The following DENND10 variants were observed in gnomAD, a reference collection of about 807,000 sequenced individuals.
The protein encoded by DENND10 is DENN domain containing 10, also known as DENN domain-containing protein 10.
A neutral mutation model predicts 43.6 loss-of-function variants in DENND10; 24 were observed. The observed-to-expected ratio is 0.55, with a 90% CI of 0.40 to 0.77. The LOEUF (loss-of-function observed/expected upper bound fraction) is 0.77. Ranked by LOEUF, DENND10 falls within the 30% of genes least tolerant of loss-of-function variation. The pLI, the probability that DENND10 is intolerant of heterozygous loss-of-function variation, is 0.00. For missense variants in DENND10, 303 were observed against 429.9 expected, an observed-to-expected ratio of 0.70 and a Z score of 2.61; for synonymous variants, 125 against 157.6, an observed-to-expected ratio of 0.79 and a Z score of 1.55.
chr10:119,126,198 ATC>A (rs2133512800), intron 6 of DENND10, among the ~76,000 whole-genome samples: 1 of 151,282 alleles, frequency 6.6e-6, no homozygotes, highest in South Asian at 2.1e-4. Flanking sequence ...TTTTCCATTC[ATC>A]TGTTGATGGA....
intron 7 of DENND10, among the ~76,000 whole-genome samples, chr10:119,129,921 T>C (rs1846005987): frequency 6.6e-6 from 1 of 152,230 alleles, no homozygotes. Flanking sequence ...ACTTCAGAAC[T>C]TAGCGGTTTA....
intron 4 of DENND10, 109 bp downstream of exon 4, chr10:119,117,776 G>A: frequency 1.9e-6 from 2 of 1,068,130 alleles, no homozygotes; most frequent in Non-Finnish European, 2.7e-6. Flanking sequence ...GACCATCCTG[G>A]TTAACATGGT....
chr10:119,106,356 G>A (rs984428692), intron 1 of DENND10, among the ~76,000 whole-genome samples: 4 of 152,126 alleles, frequency 2.6e-5, no homozygotes, highest in African/African-American at 9.7e-5. Flanking sequence ...TTTATTTGTA[G>A]TCTTTAGAGA....
In DENND10 at chr10:119,132,490, A is replaced by G; in HGVS notation, c.803-25A>G. The G allele has an allele frequency of 6.4e-7, 1 of 1,572,720 alleles. No individual in the cohort carries two copies. On this transcript the variant is annotated intron_variant, in intron 7 of 8. Transcript: ENST00000361432. The surrounding 1 kb of genome is among the most constrained non-coding windows in gnomAD (Gnocchi z 4.2). Reference sequence around the variant, plus strand: ...GATTATTTTTTATGTCGATTTCTAAATATTCACCTTCTTGATCTCACCAGA... The same window carrying G: ...GATTATTTTTTATGTCGATTTCTAAGTATTCACCTTCTTGATCTCACCAGA...
intron 4 of DENND10, among the ~76,000 whole-genome samples, chr10:119,119,010 ATTT>A (rs35810229): frequency 6.9e-4 from 98 of 142,112 alleles, no homozygotes; most frequent in East Asian, 1.7e-3. Context: ...CACCCAGCTA[ATTT>A]TTTTTTTTTT....
intron 5 of DENND10, among the ~76,000 whole-genome samples, chr10:119,122,980 C>G (rs1241253558): frequency 6.6e-6 from 1 of 152,126 alleles, no homozygotes; most frequent in Non-Finnish European, 1.5e-5. Context: ...TAAAACATTG[C>G]AGAGAGGCTG....
At chr10:119,127,672 G>A (rs911290954) in intron 6 of DENND10, among the ~76,000 whole-genome samples, 2 of 151,774 alleles carry the variant, frequency 1.3e-5, no homozygotes, top group Admixed American at 1.3e-4. Flanking sequence ...ATTTTTAGTA[G>A]AGATGGGGTT....
At chr10:119,112,320 G>C (rs774451356) in intron 3 of DENND10, among the ~76,000 whole-genome samples, 1 of 152,092 alleles carries the variant, frequency 6.6e-6, no homozygotes, top group Non-Finnish European at 1.5e-5. Flanking sequence ...TTTGGGGAAA[G>C]AATTATGCCG....
intron 7 of DENND10, among the ~76,000 whole-genome samples, chr10:119,130,047 C>T (rs1252483808): frequency 2.6e-5 from 4 of 151,986 alleles, no homozygotes; most frequent in Admixed American, 2.6e-4. Flanking sequence ...CTCTATTTCC[C>T]AGGCTGGAGT....
intron 8 of DENND10, chr10:119,135,232 T>C (rs1846271734): frequency 6.6e-6 from 1 of 151,832 alleles, no homozygotes; most frequent in Non-Finnish European, 1.5e-5. Context: ...CATTATCATC[T>C]TATGGGACTA....
Position 119,117,539 on chromosome 10 carries a change from G to A in DENND10, c.353G>A (p.Ser118Asn). ...TACAGAATGTACCTGAAACATGGGA[G>A]CCCAGTTAAAATGATGGAGAGTTAT... ...ILCRMYLKHGSPVKMMESYIA... is the reference protein window; with the variant it reads ...ILCRMYLKHGNPVKMMESYIA... The change falls in exon 4 of 9, where the codon AGC becomes AAC. Residue 118 changes from serine (S) to asparagine (N), a missense_variant. Coordinates refer to ENST00000361432, the MANE Select transcript of DENND10 (RefSeq NM_207009.4). 1 of 1,613,062 alleles carries A rather than the reference G, an allele frequency of 6.2e-7. No homozygotes were observed.
rs201433450 is a variant in DENND10, at chr10:119,123,536, G to A, written c.661G>A (p.Ala221Thr). 3.1e-6 allele frequency: 5 copies of A among 1,613,144 alleles called. No individual in the cohort carries two copies. The highest frequency in any genetic ancestry group is 1.3e-5 in the African/African-American group (1 of 74,920). ...TILHSYVHLN[A>T]DELEALQMCT... is the part of the protein sequence containing the mutation. ...CCTTCACTCTTACGTGCACCTCAAC[G>A]CCGATGAGCTGGAAGCCCTGCAGAT... Residue 221 changes from alanine (A) to threonine (T), a missense_variant, in exon 6 of 9, where the codon GCC (alanine) becomes ACC (threonine). Coordinates refer to ENST00000361432, the MANE Select transcript of DENND10 (RefSeq NM_207009.4).
chr10:119,130,405 G>A (rs536645178), intron 7 of DENND10, among the ~76,000 whole-genome samples: 3 of 152,236 alleles, frequency 2.0e-5, no homozygotes, highest in African/African-American at 4.8e-5. Context: ...TGATCTGCCT[G>A]TCTTGGCCTC....
Position 119,132,595 on chromosome 10 carries a change from A to C in DENND10, c.883A>C (p.Ser295Arg). 6.2e-7 allele frequency: 1 copy of C among 1,614,018 alleles called. No individual in the cohort carries two copies. The highest frequency in any genetic ancestry group is 1.1e-5 in the South Asian group (1 of 91,080). Reference protein sequence around the residue: ...QSAEDPEKSESHVIQDIALKT... With the variant: ...QSAEDPEKSERHVIQDIALKT... ...TGCAGAAGATCCAGAGAAATCAGAG[A>C]GCCACGTTATACAGGTAACTCCCTC... Residue 295 changes from serine (S) to arginine (R), a missense_variant, in exon 8 of 9, where the codon AGC (serine) becomes CGC (arginine). Ser to Arg is a moderately radical substitution (Grantham distance 110, BLOSUM62 -1). Coordinates refer to ENST00000361432, the MANE Select transcript of DENND10 (RefSeq NM_207009.4). The surrounding 1 kb of genome is among the most constrained non-coding windows in gnomAD (Gnocchi z 4.2).
intron 2 of DENND10, among the ~76,000 whole-genome samples, chr10:119,108,762 C>G (rs1844826531): frequency 6.6e-6 from 1 of 151,150 alleles, no homozygotes; most frequent in Non-Finnish European, 1.5e-5. Context: ...TCAAGCGATT[C>G]ACCTGCTTCA....
intron 1 of DENND10, among the ~76,000 whole-genome samples, chr10:119,106,206 G>C (rs1844688889): frequency 6.6e-6 from 1 of 152,118 alleles, no homozygotes; most frequent in Non-Finnish European, 1.5e-5. Context: ...CCAAGTGACA[G>C]AGTTAGACCC....
intron 4 of DENND10, among the ~76,000 whole-genome samples, chr10:119,119,568 G>A (rs1390292669): frequency 6.6e-6 from 1 of 151,768 alleles, no homozygotes; most frequent in Non-Finnish European, 1.5e-5. Context: ...GAGACACTGT[G>A]CCCAGCCCCA....
chr10:119,112,758 G>A (rs12765468), intron 3 of DENND10, among the ~76,000 whole-genome samples: 135 of 152,006 alleles, frequency 8.9e-4, no homozygotes, highest in Non-Finnish European at 1.7e-3. Context: ...GCCTCCCAAA[G>A]TGCTGGGATT....
At chr10:119,124,823 A>C (rs1020976072) in intron 6 of DENND10, among the ~76,000 whole-genome samples, 3 of 152,048 alleles carry the variant, frequency 2.0e-5, no homozygotes, top group Admixed American at 2.0e-4. Flanking sequence ...GCACTTTGGG[A>C]GGCCGAGGTG....
Sources: allele counts gnomAD v4.1 joint callset (sites outside exome capture counted in the v4.1 genomes callset), GRCh38; gene constraint gnomAD v4.1.1; non-coding constraint Gnocchi (gnomAD v3.1); transcripts MANE v1.5; gene names NCBI Gene and HGNC (gene_info 2026-07-23, HGNC 2026-07-21).